The following SYNJ1 variants were observed in gnomAD, a reference collection of about 807,000 sequenced individuals.
The protein encoded by SYNJ1 is polyphosphatidylinositol phosphatase SYNJ1.
In SYNJ1, 78 loss-of-function variants were observed where a neutral mutation model predicts 168.2. The observed-to-expected ratio is 0.46, with a 90% CI of 0.39 to 0.56. SYNJ1 has a LOEUF of 0.56. Among genes scored for constraint, SYNJ1 ranks in the 20% least tolerant of loss-of-function variants. The probability of loss-of-function intolerance (pLI) is 0.00; values close to 1 mark genes in which losing one functional copy is unlikely to be tolerated. For synonymous variants in SYNJ1, 539 were observed against 548.6 expected, an observed-to-expected ratio of 0.98 and a Z score of 0.24; for missense variants, 1,303 against 1,597.6, an observed-to-expected ratio of 0.82 and a Z score of 3.14.
intron 4 of SYNJ1, 58 bp downstream of exon 4, chr21:32,699,780 T>C (rs1227227258): frequency 8.4e-6 from 13 of 1,552,270 alleles, no homozygotes; most frequent in South Asian, 2.5e-5. Context: ...TTTTGATGAC[T>C]GAACAACTGC....
At chr21:32,711,109 T>G (rs2042812608) in intron 2 of SYNJ1, among the ~76,000 whole-genome samples, 2 of 152,196 alleles carry the variant, frequency 1.3e-5, no homozygotes, top group South Asian at 4.1e-4. Flanking sequence ...TTCTTTTAAC[T>G]GAACAAATTC....
intron 2 of SYNJ1, among the ~76,000 whole-genome samples, chr21:32,708,609 A>G (rs1223071389): frequency 6.6e-6 from 1 of 152,248 alleles, no homozygotes; most frequent in Non-Finnish European, 1.5e-5. Context: ...TGAACACATA[A>G]GCTAAAGCAA....
chr21:32,664,636 A>G (rs1001969274), intron 18 of SYNJ1, among the ~76,000 whole-genome samples: 1 of 152,026 alleles, frequency 6.6e-6, no homozygotes, highest in Non-Finnish European at 1.5e-5. Flanking sequence ...AGGGACAGGA[A>G]TTGCTCACTC....
intron 2 of SYNJ1, among the ~76,000 whole-genome samples, chr21:32,706,685 T>C (rs1357402681): frequency 6.6e-6 from 1 of 152,120 alleles, no homozygotes; most frequent in Non-Finnish European, 1.5e-5. Flanking sequence ...GGTAAACTCT[T>C]CTAAATACCT....
chr21:32,643,592 A>T, intron 26 of SYNJ1, 135 bp from the exon 27 acceptor site: 2 of 854,968 alleles, frequency 2.3e-6, no homozygotes, highest in South Asian at 3.1e-5. Flanking sequence ...ATTTCTTCAA[A>T]GATATCAATA....
intron 29 of SYNJ1, among the ~76,000 whole-genome samples, chr21:32,640,336 G>A (rs1318225231): frequency 3.3e-5 from 5 of 151,360 alleles, no homozygotes; most frequent in Admixed American, 3.3e-4. Context: ...CTCACTCTGT[G>A]GCCAGACGGG....
At chr21:32,708,659 T>C (rs2042704378) in intron 2 of SYNJ1, among the ~76,000 whole-genome samples, 1 of 152,198 alleles carries the variant, frequency 6.6e-6, no homozygotes, top group Non-Finnish European at 1.5e-5. Flanking sequence ...ACCTCAGGAA[T>C]AAATAGTACC....
At position 32,665,950 on chromosome 21, in the gene SYNJ1, A is replaced by T. The variant is rs1167784110; in HGVS notation, c.2138T>A (p.Phe713Tyr). 1 of 1,606,566 alleles carries T rather than the reference A, an allele frequency of 6.2e-7. No homozygotes were observed. Among genetic ancestry groups the T allele is most frequent in the Non-Finnish European group, 8.5e-7 (1 of 1,176,216 alleles). Residue 713 changes from phenylalanine to tyrosine, a missense_variant, in exon 17 of 33, where the codon TTT becomes TAT. Phe to Tyr is a conservative substitution (Grantham distance 22). Transcript: ENST00000674351. Reference sequence around the variant, plus strand: ...CAAGCAGCAAGAGCTTACCATAGGAAAACTCAATTTTCGTGCTATTTCTAT... The same window carrying T: ...CAAGCAGCAAGAGCTTACCATAGGATAACTCAATTTTCGTGCTATTTCTAT... ...DFIEIARKLS[F>Y]PMGRMLFSHD...
Position 32,699,955 on chromosome 21 carries a change from T to C in SYNJ1, c.362A>G (p.Lys121Arg). 1 of 1,614,188 alleles carries C rather than the reference T, an allele frequency of 6.2e-7. No homozygotes were observed. Among genetic ancestry groups the C allele is most frequent in the Non-Finnish European group, 8.5e-7 (1 of 1,180,044 alleles). Residue 121 changes from lysine to arginine, a missense_variant, in exon 4 of 33, where the codon AAA becomes AGA. Lys to Arg is a conservative substitution (Grantham distance 26, BLOSUM62 2). Transcript: ENST00000674351. ...SDEDRISEVRKVLNSGNFYFA... is the reference protein window; with the variant it reads ...SDEDRISEVRRVLNSGNFYFA... ...ATAAAAGTTTCCTGAATTCAAAACT[T>C]TCCGCACTTCTGAAATGCGATCCTC...
At chr21:32,670,888 T>G in intron 14 of SYNJ1, 1 of 838,268 alleles carries the variant, frequency 1.2e-6, no homozygotes, top group Non-Finnish European at 1.4e-6. Flanking sequence ...GTAAGACACA[T>G]CACTCTGTCT....
intron 2 of SYNJ1, among the ~76,000 whole-genome samples, chr21:32,712,675 G>A (rs2146313279): frequency 6.6e-6 from 1 of 152,276 alleles, no homozygotes; most frequent in East Asian, 1.9e-4. Flanking sequence ...ATCAGATTAG[G>A]AAGACAGGAA....
chr21:32,654,840 A>G (rs1457983569), intron 21 of SYNJ1, among the ~76,000 whole-genome samples: 2 of 152,216 alleles, frequency 1.3e-5, no homozygotes, highest in Non-Finnish European at 2.9e-5. Context: ...CCTCTTATTT[A>G]AAAATAAAGG....
chr21:32,673,681 G>T, intron 13 of SYNJ1, 150 bp from the exon 14 acceptor site: 4 of 532,870 alleles, frequency 7.5e-6, no homozygotes, highest in Non-Finnish European at 1.1e-5. Context: ...CACAAAAAAA[G>T]ATCAGCCTTC....
At chr21:32,689,441 C>T (rs1195509655) in intron 6 of SYNJ1, among the ~76,000 whole-genome samples, 4 of 152,146 alleles carry the variant, frequency 2.6e-5, no homozygotes, top group Non-Finnish European at 4.4e-5. Context: ...GGACTACAGG[C>T]GCCCGCCACC....
chr21:32,686,445 T>G (rs1353575203), intron 8 of SYNJ1, among the ~76,000 whole-genome samples: 1 of 152,220 alleles, frequency 6.6e-6, no homozygotes, highest in Non-Finnish European at 1.5e-5. Flanking sequence ...TTTATATTAA[T>G]TCATTATTAA....
intron 4 of SYNJ1, among the ~76,000 whole-genome samples, chr21:32,695,897 A>G (rs1569106117): frequency 6.8e-6 from 1 of 146,042 alleles, no homozygotes; most frequent in Non-Finnish European, 1.5e-5. Flanking sequence ...CCCAGGTTGG[A>G]GTGCAGTGGC....
rs2043551030 is a variant in SYNJ1 at position 32,727,953 on chromosome 21, T to C, written c.-30A>G. 1.3e-6 allele frequency: 2 copies of C among 1,533,388 alleles called. No individual in the cohort carries two copies. Among genetic ancestry groups the C allele is most frequent in the Non-Finnish European group, 1.7e-6 (2 of 1,145,826 alleles). The allele number at this position is 1,533,388 out of a possible 1,614,324, so 95.0% of individuals were successfully genotyped here. A position where few individuals can be genotyped will look rare whatever the true frequency, so the allele number is the denominator to read the frequency against. On this transcript the variant is annotated 5_prime_UTR_variant, in exon 1 of 33. Coordinates refer to ENST00000674351, the MANE Select transcript of SYNJ1 (RefSeq NM_203446.3). Reference sequence around the variant, plus strand: ...CCCCGCCGGCTTGCTCACCTCTTCCTCCGGCTCCTCCTCCTCCTTCTCCCG... The same window carrying C: ...CCCCGCCGGCTTGCTCACCTCTTCCCCCGGCTCCTCCTCCTCCTTCTCCCG...
At position 32,695,255 on chromosome 21, in the gene SYNJ1, T is replaced by C; in HGVS notation, c.507A>G (p.Lys169=). 3.7e-6 allele frequency: 6 copies of C among 1,613,972 alleles called. No individual in the cohort carries two copies. The highest frequency in any genetic ancestry group is 5.1e-6 in the Non-Finnish European group (6 of 1,179,918). The change falls in exon 5 of 33, where the codon AAA becomes AAG. Residue 169 remains lysine, a synonymous_variant. Transcript: ENST00000674351. ...AGTCATCACAATTCACGCCATAGTG[T>C]TTGAGATGCAAATGCAAAGACTGAT... ...FWNQSLHLHL[K]HYGVNCDDWL... is the part of the protein sequence containing the mutation.
At position 32,645,704 on chromosome 21, in the gene SYNJ1, G is replaced by C. The variant is rs372510070; in HGVS notation, c.3333C>G (p.Pro1111=). The change falls in exon 25 of 33, where the codon CCC becomes CCG. Residue 1111 remains proline (P), a synonymous_variant. Transcript: ENST00000674351. ...QPLEPKRPPP[P]RPVAPPTRPA... ...GGCGTGTGGGAGGGGCGACCGGGCG[G>C]GGCGGCGGCGGCCGCTTGGGCTCCA... The C allele has an allele frequency of 8.1e-6, 12 of 1,480,584 alleles. No homozygotes were observed. The South Asian group carries it at 9.9e-5, about 12-fold the overall frequency. The allele number at this position is 1,480,584 out of a possible 1,614,324, so 91.7% of individuals were successfully genotyped here. A position where few individuals can be genotyped will look rare whatever the true frequency, so the allele number is the denominator to read the frequency against.
Sources: allele counts gnomAD v4.1 joint callset (sites outside exome capture counted in the v4.1 genomes callset), GRCh38; gene constraint gnomAD v4.1.1; transcripts MANE v1.5; gene names NCBI Gene and HGNC (gene_info 2026-07-23, HGNC 2026-07-21).